The following E2F3 variants were observed in gnomAD, a reference collection of about 807,000 sequenced individuals.
E2F3 encodes E2F transcription factor 3, also known as transcription factor E2F3.
A neutral mutation model predicts 44.4 loss-of-function variants in E2F3; 11 were observed. The observed-to-expected ratio is 0.25, with a 90% CI of 0.16 to 0.41. The LOEUF (loss-of-function observed/expected upper bound fraction) is 0.41. Among genes scored for constraint, E2F3 ranks in the 10% least tolerant of loss-of-function variants. The pLI, the probability that E2F3 is intolerant of heterozygous loss-of-function variation, is 1.00. For missense variants in E2F3, 487 were observed against 583.6 expected, an observed-to-expected ratio of 0.83 and a Z score of 1.70; for synonymous variants, 249 against 253.0, an observed-to-expected ratio of 0.98 and a Z score of 0.15.
chr6:20,441,224 T>A (rs1760762627), intron 1 of E2F3, among the ~76,000 whole-genome samples: 2 of 152,236 alleles, frequency 1.3e-5, no homozygotes, highest in African/African-American at 4.8e-5. Flanking sequence ...ACTTGACCAC[T>A]CTAGATACCT....
Position 20,492,923 on chromosome 6 carries a change from C to T in E2F3, c.*2493C>T. On this transcript the variant is annotated 3_prime_UTR_variant, in exon 7 of 7. Coordinates refer to ENST00000346618, the MANE Select transcript of E2F3 (RefSeq NM_001949.5). ...CAGGTTTCCTGGTACCATTGAGTTG[C>T]TGCTATTAAAGCTCACACACGAAAT... 4.6e-6 allele frequency: 1 copy of T among 216,966 alleles called. No individual in the cohort carries two copies. Among genetic ancestry groups the T allele is most frequent in the East Asian group, 6.8e-5 (1 of 14,612 alleles). The allele number at this position is 216,966 out of a possible 1,614,324, so 13.4% of individuals were successfully genotyped here. A position where few individuals can be genotyped will look rare whatever the true frequency, so the allele number is the denominator to read the frequency against.
At chr6:20,476,554 C>G (rs1038109056) in intron 1 of E2F3, among the ~76,000 whole-genome samples, 3 of 152,206 alleles carry the variant, frequency 2.0e-5, no homozygotes, top group Non-Finnish European at 4.4e-5. Context: ...CATTCTCAGG[C>G]AGCTTTAGGC....
rs760466590 is a variant in E2F3, at chr6:20,488,096, C to T, written c.1000-17C>T. The T allele has an allele frequency of 3.1e-6, 5 of 1,612,410 alleles. No individual in the cohort carries two copies. The highest frequency in any genetic ancestry group is 4.2e-6 in the Non-Finnish European group (5 of 1,179,816). ...AAAAGAACTTCTGATTCGAACTTCTCCCACTTCTGTTCATAGAGCCTACAA... is the reference window on the plus strand; with the variant it reads ...AAAAGAACTTCTGATTCGAACTTCTTCCACTTCTGTTCATAGAGCCTACAA... On this transcript the variant is annotated splice_polypyrimidine_tract_variant and intron_variant, in intron 5 of 6. Transcript: ENST00000346618.
At chr6:20,474,660 C>T (rs1761991669) in intron 1 of E2F3, among the ~76,000 whole-genome samples, 2 of 152,328 alleles carry the variant, frequency 1.3e-5, no homozygotes, top group South Asian at 2.1e-4. Context: ...GTAGACAGAG[C>T]TCACCCGCAC....
intron 1 of E2F3, among the ~76,000 whole-genome samples, chr6:20,433,636 C>T (rs907880454): frequency 4.0e-5 from 6 of 151,718 alleles, no homozygotes; most frequent in Admixed American, 6.5e-5. Context: ...TTTTATTTCA[C>T]GCACTAACAC....
chr6:20,457,351 T>TTC (rs1554138868), intron 1 of E2F3, among the ~76,000 whole-genome samples: 3 of 145,230 alleles, frequency 2.1e-5, no homozygotes, highest in Non-Finnish European at 3.0e-5. Flanking sequence ...ATTTTTTCTT[T>TTC]TTTTTTTTTT....
At chr6:20,482,997 A>C in intron 4 of E2F3, 77 bp downstream of exon 4, 1 of 1,596,664 alleles carries the variant, frequency 6.3e-7, no homozygotes, top group Non-Finnish European at 8.6e-7. Flanking sequence ...TGACTTATGC[A>C]CAAGGTAGAT....
Position 20,454,921 on chromosome 6 carries a change from A to G in E2F3, c.394-24925A>G, listed in dbSNP as rs148063078. ...TCCACTGGATAGCTTTTGAAAATTC[A>G]ACTACCCGGGCCAAATCCATGTAAC... On this transcript the variant is annotated intron_variant, in intron 1 of 6. Coordinates refer to ENST00000346618, the MANE Select transcript of E2F3 (RefSeq NM_001949.5). Among the ~76,000 whole-genome samples, 67 of 152,300 alleles carry G rather than the reference A, an allele frequency of 4.4e-4. No individual in the cohort carries two copies. In the East Asian group the frequency reaches 0.013, roughly 29 times the overall value.
At chr6:20,474,598 C>A (rs573269667) in intron 1 of E2F3, among the ~76,000 whole-genome samples, 1 of 152,278 alleles carries the variant, frequency 6.6e-6, no homozygotes, top group African/African-American at 2.4e-5. Context: ...ATTGAGATGA[C>A]CAAGAGAAGA....
chr6:20,437,491 CA>C (rs1430639158), intron 1 of E2F3, among the ~76,000 whole-genome samples: 1 of 147,688 alleles, frequency 6.8e-6, no homozygotes, highest in African/African-American at 2.5e-5. Context: ...TTTTTTTTTT[CA>C]AAAAAATTTT....
chr6:20,429,397 C>A (rs1250212991), intron 1 of E2F3, among the ~76,000 whole-genome samples: 2 of 152,182 alleles, frequency 1.3e-5, no homozygotes, highest in Non-Finnish European at 2.9e-5. Flanking sequence ...TAAATACCAC[C>A]TGGGACTTGA....
At chr6:20,427,247 G>A (rs1465169197) in intron 1 of E2F3, among the ~76,000 whole-genome samples, 1 of 152,124 alleles carries the variant, frequency 6.6e-6, no homozygotes, top group Non-Finnish European at 1.5e-5. Flanking sequence ...CACTCCTACA[G>A]CGCCTTCTTA....
intron 1 of E2F3, among the ~76,000 whole-genome samples, chr6:20,440,773 CT>C (rs961469039): frequency 2.6e-5 from 4 of 152,198 alleles, no homozygotes. Flanking sequence ...CATAAGCCTC[CT>C]GCTGTAACTC....
chr6:20,487,986 G>C (rs990181037), intron 5 of E2F3, 127 bp from the exon 6 acceptor site: 28 of 1,297,754 alleles, frequency 2.2e-5, no homozygotes, highest in Non-Finnish European at 3.0e-5. Flanking sequence ...TCATAGAGTT[G>C]GACTAGTAGG....
At position 20,488,269 on chromosome 6, in the gene E2F3, T is replaced by C. The variant is rs374995713; in HGVS notation, c.1135+21T>C. The stretch of plus-strand genomic sequence containing the variant: ...CAAAGGTAAAAACTCCACTTTTGTC[T>C]TTTAGAAACTATGTTAAAAATGAGG... On this transcript the variant is annotated intron_variant, in intron 6 of 6. Transcript: ENST00000346618. 8.9e-6 allele frequency: 14 copies of C among 1,566,142 alleles called. No homozygotes were observed. In the East Asian group the frequency reaches 2.9e-4, roughly 33 times the overall value.
In E2F3 at chr6:20,410,874, G is replaced by A. The variant is rs372506117; in HGVS notation, c.393+8249G>A. Among the ~76,000 whole-genome samples the A allele has an allele frequency of 1.1e-4, 16 of 152,242 alleles. No individual in the cohort carries two copies. The South Asian group carries it at 2.1e-3, about 20-fold the overall frequency. On this transcript the variant is annotated intron_variant, in intron 1 of 6. Coordinates refer to ENST00000346618, the MANE Select transcript of E2F3 (RefSeq NM_001949.5). ...TGACCTCAGGTGATCTGCCCGCCTC[G>A]GCCTCACAACGTGCTGGGATTGTAG...
At chr6:20,436,799 A>C (rs1420213678) in intron 1 of E2F3, among the ~76,000 whole-genome samples, 1 of 152,200 alleles carries the variant, frequency 6.6e-6, no homozygotes, top group Non-Finnish European at 1.5e-5. Context: ...AATTCCATTT[A>C]GAGAGTGGGG....
chr6:20,488,250 TA>T lies in E2F3; in HGVS notation c.1135+7del. ...ATATCCCTAAACCCGCTTCCAAAGG[TA>T]AAAACTCCACTTTTGTCTTTTAGAA... On this transcript the variant is annotated splice_donor_region_variant and intron_variant, in intron 6 of 6. Coordinates refer to ENST00000346618, the MANE Select transcript of E2F3 (RefSeq NM_001949.5). The T allele has an allele frequency of 1.3e-6, 2 of 1,580,674 alleles. No individual in the cohort carries two copies. Among genetic ancestry groups the T allele is most frequent in the Non-Finnish European group, 1.7e-6 (2 of 1,170,422 alleles).
intron 1 of E2F3, among the ~76,000 whole-genome samples, chr6:20,432,870 T>A (rs1244825940): frequency 6.6e-6 from 1 of 152,212 alleles, no homozygotes; most frequent in Non-Finnish European, 1.5e-5. Context: ...CTCAGGGCCT[T>A]TGCACTTGCT....
Sources: gnomAD v4.1 joint callset for allele counts (sites outside exome capture counted in the v4.1 genomes callset) on GRCh38, gnomAD v4.1.1 for gene constraint, MANE v1.5 for transcripts, NCBI Gene and HGNC (gene_info 2026-07-23, HGNC 2026-07-21) for gene names.